FMO2: variants seen among roughly 807,000 people sequenced by gnomAD.
FMO2 encodes flavin-containing monooxygenase 2.
Under a neutral mutation model 41.6 loss-of-function variants are expected in FMO2, and 33 were observed. That is an observed-to-expected ratio of 0.79 (90% CI 0.60 to 1.06). The LOEUF (loss-of-function observed/expected upper bound fraction) is 1.06, where lower values mean the gene tolerates loss of function less well. Among genes scored for constraint, FMO2 ranks in the 50% least tolerant of loss-of-function variants. FMO2 has a pLI of 0.00. For synonymous variants in FMO2, 214 were observed against 219.6 expected, an observed-to-expected ratio of 0.97 and a Z score of 0.23; for missense variants, 619 against 632.9, an observed-to-expected ratio of 0.98 and a Z score of 0.23.
intron 5 of FMO2, among the ~76,000 whole-genome samples, chr1:171,203,323 TCACACACA>T (rs10628039): frequency 0.1 from 14,746 of 143,992 alleles, 867 homozygotes; most frequent in East Asian, 0.24. Context: ...AGACCCTGTC[TCACACACA>T]CACACACACA....
Position 171,211,861 on chromosome 1 carries a change from G to A in FMO2, c.*2716G>A, listed in dbSNP as rs1658996948. ...ATAGTAATAATTCAACCTACTGAAT[G>A]GAAATCTCTGCTGAAATCCACAGTT... On this transcript the variant is annotated 3_prime_UTR_variant, in exon 9 of 9. Transcript: ENST00000209929. 6.6e-6 allele frequency among the ~76,000 whole-genome samples: 1 copy of A among 151,124 alleles called. No homozygotes were observed. The highest frequency in any genetic ancestry group is 1.5e-5 in the Non-Finnish European group (1 of 68,022).
chr1:171,194,673 T>C (rs2223228), intron 3 of FMO2, among the ~76,000 whole-genome samples: 78,297 of 152,034 alleles, frequency 0.51, 21,383 homozygotes, highest in African/African-American at 0.68. Flanking sequence ...AAGGGAGGAT[T>C]GCTTGAGCCT....
chr1:171,195,174 A>C (rs895355617), intron 3 of FMO2, among the ~76,000 whole-genome samples: 1 of 152,196 alleles, frequency 6.6e-6, no homozygotes, highest in Non-Finnish European at 1.5e-5. Flanking sequence ...GTTGGGAAGA[A>C]AGGTTTCTGT....
chr1:171,202,739 A>C (rs1658584340), intron 5 of FMO2, among the ~76,000 whole-genome samples: 1 of 152,214 alleles, frequency 6.6e-6, no homozygotes, highest in Non-Finnish European at 1.5e-5. Flanking sequence ...TTCAAACCCA[A>C]GCAGTCTGTA....
intron 3 of FMO2, 49 bp from the exon 4 acceptor site, chr1:171,196,600 T>A: frequency 1.9e-6 from 3 of 1,571,732 alleles, no homozygotes; most frequent in South Asian, 2.3e-5. Context: ...ACTTGGCCAA[T>A]GTTATCCTGG....
intron 2 of FMO2, 69 bp from the exon 3 acceptor site, chr1:171,193,266 T>G: frequency 1.0e-6 from 1 of 993,468 alleles, no homozygotes; most frequent in Non-Finnish European, 1.5e-6. Flanking sequence ...GGGTTAGATG[T>G]AGGAAGAGTA....
At chr1:171,203,323 TCACACACACA>T (rs10628039) in intron 5 of FMO2, among the ~76,000 whole-genome samples, 91 of 144,042 alleles carry the variant, frequency 6.3e-4, no homozygotes, top group African/African-American at 1.8e-3. Context: ...AGACCCTGTC[TCACACACACA>T]CACACACACA....
rs1658880881 is a variant in FMO2 at position 171,209,147 on chromosome 1, C to T, written c.*2C>T. The T allele has an allele frequency of 2.0e-6, 1 of 502,532 alleles. No homozygotes were observed. The highest frequency in any genetic ancestry group is 3.7e-5 in the South Asian group (1 of 26,812). The allele number at this position is 502,532 out of a possible 1,614,324, so 31.1% of individuals were successfully genotyped here. On this transcript the variant is annotated 3_prime_UTR_variant, in exon 9 of 9. Coordinates refer to ENST00000209929, the MANE Select transcript of FMO2 (RefSeq NM_001460.5). ...TTTTGCCAACTTCAATGGTCCTAGT[C>T]AGCATAATGCTTTGGGCTTTATTAT...
intron 2 of FMO2, 179 bp downstream of exon 2, chr1:171,186,024 ACTAAC>A (rs1388228158): frequency 3.5e-6 from 2 of 578,802 alleles, no homozygotes; most frequent in African/African-American, 3.8e-5. Context: ...CCCAGTCAAT[ACTAAC>A]CCAACCCAGG....
At chr1:171,195,927 C>T (rs1386837762) in intron 3 of FMO2, among the ~76,000 whole-genome samples, 2 of 152,204 alleles carry the variant, frequency 1.3e-5, no homozygotes, top group Non-Finnish European at 2.9e-5. Flanking sequence ...GACCATGTGT[C>T]AGGCACTCTG....
chr1:171,193,136 C>T (rs28369847), intron 2 of FMO2, among the ~76,000 whole-genome samples, 199 bp from the exon 3 acceptor site: 44,589 of 152,014 alleles, frequency 0.29, 7,067 homozygotes, highest in East Asian at 0.55. Context: ...TCACAGTGAG[C>T]GTCACAGGCA....
At chr1:171,187,754 G>A (rs1657913766) in intron 2 of FMO2, among the ~76,000 whole-genome samples, 2 of 151,456 alleles carry the variant, frequency 1.3e-5, no homozygotes, top group South Asian at 4.2e-4. Flanking sequence ...GACAAATTTG[G>A]TAATTGTTAC....
chr1:171,191,408 T>C (rs1459198396), intron 2 of FMO2, among the ~76,000 whole-genome samples: 1 of 152,228 alleles, frequency 6.6e-6, no homozygotes, highest in African/African-American at 2.4e-5. Context: ...ATAACAGTCT[T>C]AGTTTAACTG....
At chr1:171,208,569 A>G (rs907772099) in intron 8 of FMO2, among the ~76,000 whole-genome samples, 8 of 152,152 alleles carry the variant, frequency 5.3e-5, no homozygotes, top group African/African-American at 1.9e-4. Flanking sequence ...ATCTTGTCAC[A>G]TTTCTAGAGC....
chr1:171,196,750 C>T lies in FMO2; in HGVS notation c.423C>T (p.Asp141=), dbSNP rs144325714. ...SNGKEQSAVF[D]AVMVCSGHHI... ...GCAAGGAGCAGAGTGCTGTCTTTGA[C>T]GCAGTTATGGTTTGCAGTGGCCACC... The change falls in exon 4 of 9, where the codon GAC becomes GAT. Residue 141 remains aspartate (D), a synonymous_variant. Coordinates refer to ENST00000209929, the MANE Select transcript of FMO2 (RefSeq NM_001460.5). The T allele has an allele frequency of 1.0e-4, 164 of 1,613,600 alleles. No homozygotes were observed. Among genetic ancestry groups the T allele is most frequent in the Middle Eastern group, 1.7e-4 (1 of 5,792 alleles).
At chr1:171,208,732 C>T in intron 8 of FMO2, 62 bp from the exon 9 acceptor site, 1 of 1,492,964 alleles carries the variant, frequency 6.7e-7, no homozygotes. Context: ...GTTTTGAATG[C>T]CTAATATTCT....
At chr1:171,189,795 A>T (rs370501081) in intron 2 of FMO2, among the ~76,000 whole-genome samples, 2 of 151,578 alleles carry the variant, frequency 1.3e-5, no homozygotes, top group African/African-American at 2.4e-5. Context: ...GTGCCACCAC[A>T]CATCTGGACC....
At chr1:171,189,645 G>A (rs1322572390) in intron 2 of FMO2, among the ~76,000 whole-genome samples, 3 of 127,002 alleles carry the variant, frequency 2.4e-5, no homozygotes, top group Admixed American at 1.8e-4. Flanking sequence ...ATCTGAGCCC[G>A]TCTTTTTTCT....
rs1658987528 is a variant in FMO2, at chr1:171,211,629, AGTTT to A, written c.*2485_*2488del. ...TCTGGTATCTTTGAAAAATGTAAAT[AGTTT>A]ATTTATAGAGAACCCTACCTCTGAG... On this transcript the variant is annotated 3_prime_UTR_variant, in exon 9 of 9. Transcript: ENST00000209929. Among the ~76,000 whole-genome samples, 1 of 152,330 alleles carries A rather than the reference AGTTT, an allele frequency of 6.6e-6. No homozygotes were observed. The highest frequency in any genetic ancestry group is 2.4e-5 in the African/African-American group (1 of 41,574).
Sources: gnomAD v4.1 joint callset for allele counts (sites outside exome capture counted in the v4.1 genomes callset) on GRCh38, gnomAD v4.1.1 for gene constraint, MANE v1.5 for transcripts, NCBI Gene and HGNC (gene_info 2026-07-23, HGNC 2026-07-21) for gene names.